The following DNAH9 variants were observed in gnomAD, a reference collection of about 807,000 sequenced individuals.
The protein encoded by DNAH9 is DNAH9 variant protein.
In DNAH9, 345 loss-of-function variants were observed where a neutral mutation model predicts 471.6. The ratio of observed to expected loss-of-function variants is 0.73; its 90% CI spans 0.67 to 0.80. The LOEUF (loss-of-function observed/expected upper bound fraction) is 0.80, where lower values mean the gene tolerates loss of function less well. Ranked by LOEUF, DNAH9 falls within the 30% of genes least tolerant of loss-of-function variation. The pLI, the probability that DNAH9 is intolerant of heterozygous loss-of-function variation, is 0.00. For synonymous variants in DNAH9, 2,093 were observed against 2,123.6 expected, an observed-to-expected ratio of 0.99 and a Z score of 0.40; for missense variants, 5,407 against 5,609.2, an observed-to-expected ratio of 0.96 and a Z score of 1.15.
At chr17:11,761,796 G>C (rs539146551) in intron 35 of DNAH9, among the ~76,000 whole-genome samples, 1 of 152,116 alleles carries the variant, frequency 6.6e-6, no homozygotes, top group Non-Finnish European at 1.5e-5. Context: ...TCCCTGTGCA[G>C]GAGGGGACAC....
chr17:11,600,144 TAACA>T (rs2072354947), intron 1 of DNAH9, among the ~76,000 whole-genome samples: 1 of 152,172 alleles, frequency 6.6e-6, no homozygotes, highest in Non-Finnish European at 1.5e-5. Context: ...TTCAATATTT[TAACA>T]AACAGAATGG....
intron 36 of DNAH9, among the ~76,000 whole-genome samples, chr17:11,766,753 C>A (rs977030357): frequency 1.3e-5 from 2 of 152,110 alleles, no homozygotes; most frequent in Non-Finnish European, 2.9e-5. Context: ...TCATGAGGTC[C>A]GTAGTTCAAG....
intron 30 of DNAH9, among the ~76,000 whole-genome samples, chr17:11,743,416 C>A (rs1021897520): frequency 6.6e-6 from 1 of 152,218 alleles, no homozygotes; most frequent in Admixed American, 6.5e-5. Flanking sequence ...TTTTCCACCT[C>A]TCTTCTAATT....
intron 68 of DNAH9, among the ~76,000 whole-genome samples, chr17:11,965,528 T>A (rs962077680): frequency 1.3e-5 from 2 of 152,158 alleles, no homozygotes; most frequent in Non-Finnish European, 2.9e-5. Flanking sequence ...TTATTTAAAA[T>A]GTCCAAGTTT....
intron 1 of DNAH9, among the ~76,000 whole-genome samples, chr17:11,602,601 G>A (rs1315599822): frequency 2.0e-5 from 3 of 152,152 alleles, no homozygotes; most frequent in African/African-American, 2.4e-5. Context: ...CTACCCTTGC[G>A]TGTGTATGAT....
intron 32 of DNAH9, among the ~76,000 whole-genome samples, chr17:11,749,545 C>A (rs1215318341): frequency 6.6e-6 from 1 of 151,456 alleles, no homozygotes; most frequent in Non-Finnish European, 1.5e-5. Context: ...TCTGGGATTT[C>A]TATTAGTTTA....
Position 11,742,274 on chromosome 17 carries a change from C to T in DNAH9, c.6072C>T (p.Ile2024=). 6.2e-7 allele frequency: 1 copy of T among 1,614,158 alleles called. No homozygotes were observed. The highest frequency in any genetic ancestry group is 1.3e-5 in the African/African-American group (1 of 75,052). ...CCCAGTCATTAGCCAGAAAGTTCAT[C>T]ACTCTTTACCAGTTGTGCAAAGAGC... is the stretch of plus-strand genomic sequence containing the variant. The part of the protein sequence containing the change: ...IEAQSLARKF[I]TLYQLCKELL... Residue 2024 remains isoleucine, a synonymous_variant, in exon 30 of 69, where the codon ATC becomes ATT. Coordinates refer to ENST00000262442, the MANE Select transcript of DNAH9 (RefSeq NM_001372.4).
At chr17:11,867,087 A>G (rs956564539) in intron 50 of DNAH9, among the ~76,000 whole-genome samples, 2 of 152,204 alleles carry the variant, frequency 1.3e-5, no homozygotes, top group Admixed American at 6.5e-5. Context: ...TCAGATGGAA[A>G]TGCAGAAATC....
chr17:11,943,698 A>G (rs1975019410), intron 67 of DNAH9, among the ~76,000 whole-genome samples: 1 of 152,122 alleles, frequency 6.6e-6, no homozygotes, highest in Non-Finnish European at 1.5e-5. Context: ...AAACAAAAAA[A>G]TCAAGGTTAG....
chr17:11,969,583 G>A lies in DNAH9; in HGVS notation c.*56G>A. On this transcript the variant is annotated 3_prime_UTR_variant, in exon 69 of 69. Transcript: ENST00000262442. ...AGCTGGGCTTGGAGGCTGCCTAGAG[G>A]GACAGGTGGGTGAAGGGTCACCACA... 1 of 1,422,126 alleles carries A rather than the reference G, an allele frequency of 7.0e-7. No individual in the cohort carries two copies. The allele number at this position is 1,422,126 out of a possible 1,614,324, so 88.1% of individuals were successfully genotyped here.
At position 11,623,077 on chromosome 17, in the gene DNAH9, G is replaced by A. The variant is rs566017595; in HGVS notation, c.1350+3296G>A. ...CAACCTCTGCCTCCTGGGTTCAAGC[G>A]ATTCTCCTGCCTCAGCCTCCCAAGT... On this transcript the variant is annotated intron_variant, in intron 6 of 68. Transcript: ENST00000262442. This position sits in a 1 kb window ranked among gnomAD's most constrained non-coding sequence, Gnocchi z 4.1. Among the ~76,000 whole-genome samples, 6 of 148,492 alleles carry A rather than the reference G, an allele frequency of 4.0e-5. No individual in the cohort carries two copies. Among genetic ancestry groups the A allele is most frequent in the Admixed American group, 2.1e-4 (3 of 14,572 alleles).
chr17:11,784,254 C>T, intron 40 of DNAH9, 46 bp from the exon 41 acceptor site: 1 of 1,605,880 alleles, frequency 6.2e-7, no homozygotes, highest in Non-Finnish European at 8.5e-7. Flanking sequence ...GTGATTTCTA[C>T]TCCGTGGTAA....
Position 11,784,368 on chromosome 17 carries a change from C to A in DNAH9, c.7890C>A (p.Ile2630=). ...ADALSSIYSI[I]LTQHLKLGNF... Reference sequence around the variant, plus strand: ...CCCTGTCCTCTATCTACAGCATCATCCTCACTCAGCATCTGAAGCTCGGAA... The same window carrying A: ...CCCTGTCCTCTATCTACAGCATCATACTCACTCAGCATCTGAAGCTCGGAA... The change falls in exon 41 of 69, where the codon ATC becomes ATA. Residue 2630 remains isoleucine (I), a synonymous_variant. Transcript: ENST00000262442. 1 of 1,614,240 alleles carries A rather than the reference C, an allele frequency of 6.2e-7. No homozygotes were observed. Among genetic ancestry groups the A allele is most frequent in the Non-Finnish European group, 8.5e-7 (1 of 1,180,042 alleles).
intron 14 of DNAH9, among the ~76,000 whole-genome samples, chr17:11,660,072 TA>T (rs1182150299): frequency 1.3e-5 from 2 of 152,162 alleles, no homozygotes; most frequent in African/African-American, 4.8e-5. Context: ...TTGATTTTGC[TA>T]ATTTTCTCTA....
chr17:11,826,358 T>TGG (rs67408362), intron 48 of DNAH9, among the ~76,000 whole-genome samples: 38,050 of 150,754 alleles, frequency 0.25, 6,146 homozygotes, highest in Non-Finnish European at 0.36. Context: ...GGCCGGAAGC[T>TGG]GGGGGGGTAA....
At chr17:11,858,165 A>T (rs1971693697) in intron 50 of DNAH9, among the ~76,000 whole-genome samples, 1 of 152,216 alleles carries the variant, frequency 6.6e-6, no homozygotes, top group Admixed American at 6.5e-5. Context: ...GTTATGATTT[A>T]TAAAAATAAT....
chr17:11,654,783 C>G (rs2150707008), intron 14 of DNAH9, among the ~76,000 whole-genome samples: 1 of 152,066 alleles, frequency 6.6e-6, no homozygotes, highest in South Asian at 2.1e-4. Flanking sequence ...AAATCAGATA[C>G]TTTCATTATC....
At chr17:11,768,754 A>C in intron 37 of DNAH9, 128 bp downstream of exon 37, 15 of 1,175,008 alleles carry the variant, frequency 1.3e-5, no homozygotes, top group Middle Eastern at 2.9e-4. Context: ...CCCCAGCTCC[A>C]TGACTTTGCA....
chr17:11,822,827 A>T lies in DNAH9; in HGVS notation c.9039A>T (p.Lys3013Asn), dbSNP rs1006101357. 1.9e-6 allele frequency: 3 copies of T among 1,614,118 alleles called. No individual in the cohort carries two copies. The African/African-American group carries it at 4.0e-5, about 22-fold the overall frequency. ...CCACAGTAAAGCAGTCGATTAGCAAATTCATGGCCTTTGTCCACACAAGTG... is the reference window on the plus strand; with the variant it reads ...CCACAGTAAAGCAGTCGATTAGCAATTTCATGGCCTTTGTCCACACAAGTG... ...IEPTVKQSIS[K>N]FMAFVHTSVN... Residue 3013 changes from lysine to asparagine, a missense_variant, in exon 48 of 69, where the codon AAA (lysine) becomes AAT (asparagine). Physicochemically the swap from Lys to Asn is moderately conservative, Grantham distance 94. Coordinates refer to ENST00000262442, the MANE Select transcript of DNAH9 (RefSeq NM_001372.4).
Sources: allele counts gnomAD v4.1 joint callset (sites outside exome capture counted in the v4.1 genomes callset), GRCh38; gene constraint gnomAD v4.1.1; non-coding constraint Gnocchi (gnomAD v3.1); transcripts MANE v1.5; gene names NCBI Gene and HGNC (gene_info 2026-07-23, HGNC 2026-07-21).